Variants in ATG10 observed in about 807,000 individuals in gnomAD.
The protein encoded by ATG10 is autophagy related 10.
In ATG10, 30 loss-of-function variants were observed where a neutral mutation model predicts 32.1. The ratio of observed to expected loss-of-function variants is 0.94; its 90% confidence interval spans 0.70 to 1.27. ATG10 has a LOEUF of 1.27. Among genes scored for constraint, ATG10 ranks in the 50% most tolerant of loss-of-function variants. ATG10 has a pLI of 0.00. For missense variants in ATG10, 233 were observed against 262.3 expected (o/e 0.89, Z 0.77); for synonymous variants, 87 against 91.5 (o/e 0.95, Z 0.28).
At chr5:81,978,894 T>A (rs1368634572) in intron 1 of ATG10, among the ~76,000 whole-genome samples, 1 of 152,066 alleles carries the variant, frequency 6.6e-6, no homozygotes, top group Non-Finnish European at 1.5e-5. Context: ...CCATTCAAAT[T>A]TTTGAATTTT....
chr5:82,039,022 T>G (rs1411617477), intron 2 of ATG10, among the ~76,000 whole-genome samples: 1 of 152,160 alleles, frequency 6.6e-6, no homozygotes, highest in Non-Finnish European at 1.5e-5. Context: ...GATTTTTAAA[T>G]TTTTTGTAGA....
intron 2 of ATG10, among the ~76,000 whole-genome samples, chr5:82,055,631 G>A (rs181657782): frequency 3.3e-5 from 5 of 152,190 alleles, no homozygotes; most frequent in East Asian, 3.9e-4. Flanking sequence ...GTGCAGCTCC[G>A]TGTTCTCTGA....
Position 82,255,969 on chromosome 5 carries a change from C to T in ATG10, c.*1906C>T, listed in dbSNP as rs910461102. On this transcript the variant is annotated 3_prime_UTR_variant, in exon 8 of 8. Coordinates refer to ENST00000282185, the MANE Select transcript of ATG10 (RefSeq NM_031482.5). Reference sequence around the variant, plus strand: ...CCCATATTCATGCTAGGATGAGAGCCGGCTTAAATGCTTGCTGGGCATTTT... The same window carrying T: ...CCCATATTCATGCTAGGATGAGAGCTGGCTTAAATGCTTGCTGGGCATTTT... 8 of 152,208 alleles carry T rather than the reference C, an allele frequency of 5.3e-5. No homozygotes were observed. Among genetic ancestry groups the T allele is most frequent in the Admixed American group, 5.2e-4 (8 of 15,276 alleles). The allele number at this position is 152,208 out of a possible 1,614,324, so 9.4% of individuals were successfully genotyped here.
At chr5:82,172,662 C>A (rs1427350342) in intron 4 of ATG10, among the ~76,000 whole-genome samples, 2 of 152,148 alleles carry the variant, frequency 1.3e-5, no homozygotes, top group African/African-American at 4.8e-5. Flanking sequence ...GCCCATTTTT[C>A]ACTACATGAC....
chr5:82,064,053 C>A (rs559749390), intron 3 of ATG10, among the ~76,000 whole-genome samples: 52 of 152,246 alleles, frequency 3.4e-4, no homozygotes, highest in Admixed American at 3.2e-3. Flanking sequence ...AAAGAATAAT[C>A]CTAATTTGTA....
At chr5:82,079,568 A>G (rs897056039) in intron 3 of ATG10, among the ~76,000 whole-genome samples, 1 of 151,324 alleles carries the variant, frequency 6.6e-6, no homozygotes, top group African/African-American at 2.4e-5. Flanking sequence ...TCCTGTGTCC[A>G]AGTGTTCTCA....
intron 3 of ATG10, among the ~76,000 whole-genome samples, chr5:82,106,488 C>A (rs939467490): frequency 1.3e-5 from 2 of 152,032 alleles, no homozygotes; most frequent in Non-Finnish European, 2.9e-5. Context: ...GAATCCACTG[C>A]CTTTTCCACT....
At chr5:82,202,623 C>T (rs965390267) in intron 5 of ATG10, among the ~76,000 whole-genome samples, 3 of 152,186 alleles carry the variant, frequency 2.0e-5, no homozygotes, top group African/African-American at 7.2e-5. Flanking sequence ...TCAGAGGCTC[C>T]TTTTCCTGGG....
intron 3 of ATG10, among the ~76,000 whole-genome samples, chr5:82,075,077 T>C (rs1764233947): frequency 6.6e-6 from 1 of 152,202 alleles, no homozygotes; most frequent in African/African-American, 2.4e-5. Flanking sequence ...GTTTTATCTC[T>C]TGCTTTCTGT....
chr5:82,229,196 G>C (rs1365420485), intron 5 of ATG10, among the ~76,000 whole-genome samples: 1 of 152,206 alleles, frequency 6.6e-6, no homozygotes. Context: ...GGAGAGGCCG[G>C]ATGGCTTGGA....
chr5:82,131,450 A>T (rs1766517475), intron 3 of ATG10, among the ~76,000 whole-genome samples: 1 of 152,142 alleles, frequency 6.6e-6, no homozygotes, highest in African/African-American at 2.4e-5. Context: ...TAAGTCCTTT[A>T]TCTTCTTCAA....
At chr5:82,067,124 C>G (rs1322436893) in intron 3 of ATG10, among the ~76,000 whole-genome samples, 2 of 151,924 alleles carry the variant, frequency 1.3e-5, no homozygotes, top group Non-Finnish European at 1.5e-5. Context: ...TGTAGCAGAC[C>G]CCAATCCCAC....
chr5:82,124,750 T>C (rs1030056992), intron 3 of ATG10, among the ~76,000 whole-genome samples: 3 of 152,190 alleles, frequency 2.0e-5, no homozygotes, highest in Non-Finnish European at 4.4e-5. Flanking sequence ...GCAATAAACA[T>C]ATGTGTGAGT....
intron 3 of ATG10, among the ~76,000 whole-genome samples, chr5:82,146,040 G>A (rs1767345656): frequency 6.6e-6 from 1 of 152,180 alleles, no homozygotes; most frequent in African/African-American, 2.4e-5. Context: ...ACTGTTTCCA[G>A]TCTTCTTAAC....
At chr5:82,214,278 T>G (rs1414266612) in intron 5 of ATG10, among the ~76,000 whole-genome samples, 1 of 152,218 alleles carries the variant, frequency 6.6e-6, no homozygotes, top group Non-Finnish European at 1.5e-5. Context: ...AAATGCAAAT[T>G]TGCCACTAAA....
At chr5:82,004,144 A>G (rs1761926389) in intron 2 of ATG10, among the ~76,000 whole-genome samples, 1 of 152,202 alleles carries the variant, frequency 6.6e-6, no homozygotes, top group Admixed American at 6.5e-5. Context: ...TCTCAAAAAA[A>G]AAAAAGTATG....
chr5:81,997,859 G>T (rs958398432), intron 2 of ATG10, among the ~76,000 whole-genome samples: 1 of 152,152 alleles, frequency 6.6e-6, no homozygotes, highest in Non-Finnish European at 1.5e-5. Context: ...AAAGAAGAAT[G>T]TACAAAACCT....
rs556871118 is a variant in ATG10, at chr5:82,113,885, A to G, written c.217-50514A>G. ...TTATGAGATTTTTTATTTATTAAGG[A>G]TGTGAGCACTTTGTTTTGTATGTTA... On this transcript the variant is annotated intron_variant, in intron 3 of 7. Coordinates refer to ENST00000282185, the MANE Select transcript of ATG10 (RefSeq NM_031482.5). 2.0e-5 allele frequency among the ~76,000 whole-genome samples: 3 copies of G among 151,990 alleles called. No homozygotes were observed. The East Asian group carries it at 5.8e-4, about 29-fold the overall frequency.
intron 3 of ATG10, among the ~76,000 whole-genome samples, chr5:82,063,586 A>G (rs1279105913): frequency 1.3e-5 from 2 of 150,734 alleles, no homozygotes; most frequent in Admixed American, 6.6e-5. Context: ...TCTGCCTCCC[A>G]GGTTCAGGTG....
Sources: gnomAD v4.1 joint callset for allele counts (sites outside exome capture counted in the v4.1 genomes callset) on GRCh38, gnomAD v4.1.1 for gene constraint, MANE v1.5 for transcripts, NCBI Gene and HGNC (gene_info 2026-07-23, HGNC 2026-07-21) for gene names.